The following AMOT variants were observed in gnomAD, a reference collection of about 807,000 sequenced individuals.
The protein encoded by AMOT is angiomotin.
In AMOT, 11 loss-of-function variants were observed where a neutral mutation model predicts 67.0. The ratio of observed to expected loss-of-function variants is 0.16; its 90% CI spans 0.10 to 0.27. The LOEUF is 0.27. Among genes scored for constraint, AMOT ranks in the 10% least tolerant of loss-of-function variants. AMOT has a pLI of 1.00. For synonymous variants in AMOT, 326 were observed against 321.4 expected (o/e 1.01, Z -0.15); for missense variants, 753 against 852.0 (o/e 0.88, Z 1.45).
rs979416410 is a variant in AMOT at position 112,779,362 on chromosome X, G to A, written c.2792C>T (p.Thr931Ile). ...PAAAAAPSPA[T>I]AAATAAAVSP... is the part of the protein sequence containing the mutation. The stretch of plus-strand genomic sequence containing the variant: ...AACAGCAGCAGCAGTAGCAGCGGCA[G>A]TGGCTGGAGACGGGGCAGCAGCAGC... The change falls in exon 13 of 14, where the codon ACT becomes ATT. Residue 931 changes from threonine to isoleucine, a missense_variant. Transcript: ENST00000371959. 12 of 947,271 alleles carry A rather than the reference G, an allele frequency of 1.3e-5. No individual in the cohort carries two copies. The highest frequency in any genetic ancestry group is 2.6e-5 in the Admixed American group (1 of 38,343). The allele number at this position is 947,271 out of a possible 1,213,427, so 78.1% of individuals were successfully genotyped here. A position where few individuals can be genotyped will look rare whatever the true frequency, so the allele number is the denominator to read the frequency against.
intron 1 of AMOT, among the ~76,000 whole-genome samples, chrX:112,834,538 G>GT (rs1048361678): frequency 8.9e-6 from 1 of 111,746 alleles, no homozygotes; most frequent in Admixed American, 9.5e-5. Context: ...TATATTTCAT[G>GT]TTATCTTAAT....
At position 112,778,397 on chromosome X, in the gene AMOT, T is replaced by C; in HGVS notation, c.*170A>G. The C allele has an allele frequency of 2.4e-6, 1 of 423,965 alleles. No individual in the cohort carries two copies. Among genetic ancestry groups the C allele is most frequent in the Non-Finnish European group, 4.2e-6 (1 of 240,954 alleles). 34.9% of individuals were successfully genotyped at this position (423,965 alleles called of 1,213,427 possible). ...ACTCCCTAAGCATACCAAAATAGAC[T>C]GGTGTTCACATGGTATTACTCAAGT... On this transcript the variant is annotated 3_prime_UTR_variant, in exon 14 of 14. Transcript: ENST00000371959.
chrX:112,798,115 A>G (rs980945472), intron 8 of AMOT, among the ~76,000 whole-genome samples: 3 of 111,880 alleles, frequency 2.7e-5, no homozygotes, highest in Non-Finnish European at 5.6e-5. Flanking sequence ...TTCAGCCTAG[A>G]TATGGCTCTT....
At chrX:112,820,221 C>G (rs753340641) in intron 4 of AMOT, among the ~76,000 whole-genome samples, 1 of 111,769 alleles carries the variant, frequency 8.9e-6, no homozygotes, top group South Asian at 3.8e-4. Flanking sequence ...TAGAGAAAAA[C>G]CTGTTACAGC....
In AMOT at chrX:112,779,571, G is replaced by C; in HGVS notation, c.2583C>G (p.Asp861Glu). Residue 861 changes from aspartate (D) to glutamate (E), a missense_variant, in exon 13 of 14, where the codon GAC (aspartate) becomes GAG (glutamate). Asp to Glu is a conservative substitution (Grantham distance 45). Transcript: ENST00000371959. Reference protein sequence around the residue: ...LSAHSKTGSRDCSTQTERGTE... With the variant: ...LSAHSKTGSRECSTQTERGTE... Reference sequence around the variant, plus strand: ...TCCCACGTTCAGTTTGGGTACTGCAGTCTCGGCTGCCTGTCTTGGAGTGAG... The same window carrying C: ...TCCCACGTTCAGTTTGGGTACTGCACTCTCGGCTGCCTGTCTTGGAGTGAG... The C allele has an allele frequency of 8.3e-7, 1 of 1,211,351 alleles. No individual in the cohort carries two copies. The highest frequency in any genetic ancestry group is 1.1e-6 in the Non-Finnish European group (1 of 895,453).
chrX:112,815,085 A>T (rs964687201), intron 5 of AMOT, among the ~76,000 whole-genome samples: 11 of 112,320 alleles, frequency 9.8e-5, no homozygotes, highest in African/African-American at 1.9e-4. Flanking sequence ...GAATTCTAAA[A>T]GAATTAATCA....
At position 112,822,258 on chromosome X, in the gene AMOT, G is replaced by C; in HGVS notation, c.869C>G (p.Ala290Gly). 9.1e-7 allele frequency: 1 copy of C among 1,095,595 alleles called. No homozygotes were observed. The highest frequency in any genetic ancestry group is 1.2e-6 in the Non-Finnish European group (1 of 838,793). 90.3% of individuals were successfully genotyped at this position (1,095,595 alleles called of 1,213,427 possible). The stretch of plus-strand genomic sequence containing the variant: ...GACAGAAACAGAACTCTCTTACCTG[G>C]CTGCTCCATACTCAGGGGGATGCTG... ...RYQHPPEYGA[A>G]RPAQDISLPL... The change falls in exon 4 of 14, where the codon GCC (alanine) becomes GGC (glycine). Residue 290 changes from alanine (A) to glycine (G), a missense_variant. Around this residue, in one of 5 missense-constraint regions of AMOT, gnomAD observed 297 missense variants for 284.3 expected, o/e 1.04. Coordinates refer to ENST00000371959, the MANE Select transcript of AMOT (RefSeq NM_001113490.2).
intron 11 of AMOT, among the ~76,000 whole-genome samples, chrX:112,781,931 C>G (rs1209689369): frequency 8.9e-6 from 1 of 111,844 alleles, no homozygotes; most frequent in African/African-American, 3.3e-5. Context: ...CTCTGTCGCT[C>G]AGGCTGGAGT....
At chrX:112,811,490 C>T in intron 5 of AMOT, 97 bp from the exon 6 acceptor site, 2 of 983,356 alleles carry the variant, frequency 2.0e-6, no homozygotes, top group Admixed American at 2.4e-5. Flanking sequence ...CAGCTTCTCC[C>T]AGGGCTCACA....
chrX:112,804,898 T>TTG, intron 8 of AMOT, 49 bp downstream of exon 8: 30 of 837,328 alleles, frequency 3.6e-5, no homozygotes, highest in Non-Finnish European at 4.3e-5. Flanking sequence ...GTCCCCGATT[T>TTG]CCCAGCCCTC....
chrX:112,827,237 G>A (rs1301173283), intron 2 of AMOT, among the ~76,000 whole-genome samples: 1 of 112,201 alleles, frequency 8.9e-6, no homozygotes, highest in Non-Finnish European at 1.9e-5. Context: ...CCCTCCTCCT[G>A]CCATCTTTGT....
chrX:112,801,735 TAA>T (rs1934023940), intron 8 of AMOT, among the ~76,000 whole-genome samples: 1 of 112,273 alleles, frequency 8.9e-6, no homozygotes, highest in Admixed American at 9.4e-5. Context: ...GAGAAAGACA[TAA>T]ATAAATGCAA....
Position 112,779,393 on chromosome X carries a change from GAGCAGC to G in AMOT, c.2755_2760del (p.Ala919_Ala920del), listed in dbSNP as rs765381576. 1 of 1,019,657 alleles carries G rather than the reference GAGCAGC, an allele frequency of 9.8e-7. No homozygotes were observed. Among genetic ancestry groups the G allele is most frequent in the Admixed American group, 2.6e-5 (1 of 37,954 alleles). 84.0% of individuals were successfully genotyped at this position (1,019,657 alleles called of 1,213,427 possible). A position where few individuals can be genotyped will look rare whatever the true frequency, so the allele number is the denominator to read the frequency against. On this transcript the variant is annotated inframe_deletion, in exon 13 of 14. Coordinates refer to ENST00000371959, the MANE Select transcript of AMOT (RefSeq NM_001113490.2). Reference sequence around the variant, plus strand: ...GGAGACGGGGCAGCAGCAGCAGCTGGAGCAGCAGCAGCAGCAACAGCAACTGGAGCA... The same window carrying G: ...GGAGACGGGGCAGCAGCAGCAGCTGGAGCAGCAGCAACAGCAACTGGAGCA...
intron 8 of AMOT, among the ~76,000 whole-genome samples, chrX:112,799,908 T>C (rs1216570702): frequency 8.9e-6 from 1 of 111,869 alleles, no homozygotes; most frequent in Non-Finnish European, 1.9e-5. Flanking sequence ...ATTTCTTTCT[T>C]GTAACACATT....
intron 4 of AMOT, among the ~76,000 whole-genome samples, 166 bp downstream of exon 4, chrX:112,822,089 G>A (rs1934729994): frequency 8.9e-6 from 1 of 112,641 alleles, no homozygotes; most frequent in African/African-American, 3.2e-5. Context: ...TGGCTAAAGA[G>A]GATACAAATT....
Position 112,789,176 on chromosome X carries a change from TAAC to T in AMOT, c.2117+1413_2117+1415del, listed in dbSNP as rs759763141. Among the ~76,000 whole-genome samples, 156 of 112,187 alleles carry T rather than the reference TAAC, an allele frequency of 1.4e-3. 1 individual carries two copies. Among genetic ancestry groups the T allele is most frequent in the African/African-American group, 4.5e-3 (139 of 30,946 alleles). ...CCTGTATCTTTCCACCTGTCAATAATAACAATGTTTTTTCAGCATCAGGGTTTC... is the reference window on the plus strand; with the variant it reads ...CCTGTATCTTTCCACCTGTCAATAATAATGTTTTTTCAGCATCAGGGTTTC... On this transcript the variant is annotated intron_variant, in intron 10 of 13. Coordinates refer to ENST00000371959, the MANE Select transcript of AMOT (RefSeq NM_001113490.2).
intron 1 of AMOT, among the ~76,000 whole-genome samples, chrX:112,832,755 G>C (rs1052777408): frequency 1.8e-5 from 2 of 112,164 alleles, no homozygotes; most frequent in Non-Finnish European, 3.8e-5. Context: ...ATAATTGAGA[G>C]CTCCCTGTTT....
chrX:112,823,846 T>C (rs2147823560), intron 3 of AMOT, among the ~76,000 whole-genome samples: 1 of 112,252 alleles, frequency 8.9e-6, no homozygotes, highest in African/African-American at 3.2e-5. Flanking sequence ...TACTTATTAC[T>C]GACAAAGTTG....
intron 7 of AMOT, among the ~76,000 whole-genome samples, chrX:112,809,266 G>A (rs1260369810): frequency 8.9e-6 from 1 of 111,901 alleles, no homozygotes; most frequent in African/African-American, 3.3e-5. Flanking sequence ...TTGTCTAGCT[G>A]GGTGGGGTCC....
Sources: gnomAD v4.1 joint callset for allele counts (sites outside exome capture counted in the v4.1 genomes callset) on GRCh38, gnomAD v4.1.1 for gene constraint, gnomAD v4.1.1 regional missense constraint, MANE v1.5 for transcripts, NCBI Gene and HGNC (gene_info 2026-07-23, HGNC 2026-07-21) for gene names.